Variants in PDE4D observed in about 807,000 individuals in gnomAD.
PDE4D encodes the protein phosphodiesterase 4D, also known as 3',5'-cyclic-AMP phosphodiesterase 4D.
In PDE4D, 24 loss-of-function variants were observed where a neutral mutation model predicts 87.4. The ratio of observed to expected loss-of-function variants is 0.27; its 90% CI spans 0.20 to 0.39. The LOEUF (loss-of-function observed/expected upper bound fraction) is 0.39, where lower values mean the gene tolerates loss of function less well. Among genes scored for constraint, PDE4D ranks in the 10% least tolerant of loss-of-function variants. The pLI is 1.00. For missense variants in PDE4D, 714 were observed against 1,041.0 expected (o/e 0.69, Z 4.32); for synonymous variants, 384 against 383.2 (o/e 1.00, Z -0.02).
intron 2 of PDE4D, among the ~76,000 whole-genome samples, chr5:60,044,632 G>T (rs905018930): frequency 3.3e-5 from 5 of 150,810 alleles, no homozygotes; most frequent in Non-Finnish European, 5.9e-5. Context: ...TTTTGTTCTT[G>T]CGATAGTTTA....
At chr5:59,131,731 AAAAT>A (rs1776323069) in intron 5 of PDE4D, among the ~76,000 whole-genome samples, 2 of 152,130 alleles carry the variant, frequency 1.3e-5, no homozygotes, top group African/African-American at 4.8e-5. Context: ...TAGAATGTGG[AAAAT>A]AAATGTCATA....
chr5:59,922,950 C>T (rs1052966727), intron 3 of PDE4D, among the ~76,000 whole-genome samples: 2 of 152,222 alleles, frequency 1.3e-5, no homozygotes, highest in African/African-American at 4.8e-5. Context: ...CAGTTATGAA[C>T]CTGCCCTCAG....
chr5:59,276,178 G>C, intron 1 of PDE4D: 2 of 970,870 alleles, frequency 2.1e-6, no homozygotes, highest in South Asian at 4.8e-5. Flanking sequence ...CTCGTCAATT[G>C]CTGAGACTTA....
Position 59,695,640 on chromosome 5 carries a change from C to T in PDE4D, c.455+197528G>A, listed in dbSNP as rs556810413. Among the ~76,000 whole-genome samples, 10 of 152,180 alleles carry T rather than the reference C, an allele frequency of 6.6e-5. No homozygotes were observed. In the East Asian group the frequency reaches 7.7e-4, roughly 12 times the overall value. On this transcript the variant is annotated intron_variant, in intron 1 of 14. Coordinates refer to ENST00000340635, the MANE Select transcript of PDE4D (RefSeq NM_001104631.2). ...TTTCTTTTTGAGACATGGTCTGTGT[C>T]GTCCAGGCTGAAGTGCAGTGGTACA...
chr5:59,160,549 G>A (rs933332421), intron 5 of PDE4D, among the ~76,000 whole-genome samples: 3 of 151,926 alleles, frequency 2.0e-5, no homozygotes, highest in East Asian at 1.9e-4. Flanking sequence ...TCACTGCGCT[G>A]CCCAGGCTAG....
At chr5:59,073,595 GAC>G (rs1261854016) in intron 5 of PDE4D, among the ~76,000 whole-genome samples, 1 of 151,816 alleles carries the variant, frequency 6.6e-6, no homozygotes, top group African/African-American at 2.4e-5. Flanking sequence ...AACTTGTAAA[GAC>G]ACTGTTGTTC....
chr5:59,557,964 T>G (rs1384837484), intron 1 of PDE4D, among the ~76,000 whole-genome samples: 1 of 152,194 alleles, frequency 6.6e-6, no homozygotes, highest in Non-Finnish European at 1.5e-5. Context: ...TATAAAATTA[T>G]GTATATTTAA....
intron 2 of PDE4D, among the ~76,000 whole-genome samples, chr5:60,018,399 AG>A (rs1321550749): frequency 6.6e-6 from 1 of 152,208 alleles, no homozygotes; most frequent in African/African-American, 2.4e-5. Flanking sequence ...CAAAATATAA[AG>A]ACCAAGGACA....
At chr5:59,125,740 G>T (rs878903680) in intron 5 of PDE4D, among the ~76,000 whole-genome samples, 1 of 152,172 alleles carries the variant, frequency 6.6e-6, no homozygotes, top group Admixed American at 6.5e-5. Flanking sequence ...TGCGATGGGG[G>T]AGCGAATGAC....
At chr5:60,018,014 T>C (rs1462804947) in intron 2 of PDE4D, among the ~76,000 whole-genome samples, 1 of 152,142 alleles carries the variant, frequency 6.6e-6, no homozygotes, top group African/African-American at 2.4e-5. Context: ...TGGTATCTCA[T>C]TGTGGTTTTG....
rs1780743538 is a variant in PDE4D, at chr5:60,143,637, GTGTGTGTGTGTGTA to G, written c.42+41906_42+41919del. On this transcript the variant is annotated intron_variant, in intron 2 of 16. Transcript: ENST00000502484. ...TGTGTGTGTGTGTGTGTGTGTGTGT[GTGTGTGTGTGTGTA>G]TGTGTGTGTGTTTTGGGGAGGGGGC... is the stretch of plus-strand genomic sequence containing the variant. Among the ~76,000 whole-genome samples, 3 of 142,998 alleles carry G rather than the reference GTGTGTGTGTGTGTA, an allele frequency of 2.1e-5. No homozygotes were observed. In the Admixed American group the frequency reaches 2.1e-4, roughly 10 times the overall value. The allele number at this position is 142,998 out of a possible 152,430, so 93.8% of individuals were successfully genotyped here. A position where few individuals can be genotyped will look rare whatever the true frequency, so the allele number is the denominator to read the frequency against.
At chr5:60,341,580 G>A (rs1468960072) in intron 1 of PDE4D, among the ~76,000 whole-genome samples, 1 of 152,158 alleles carries the variant, frequency 6.6e-6, no homozygotes, top group African/African-American at 2.4e-5. Flanking sequence ...CAAGCCAAAT[G>A]CCAAGTCCAT....
At chr5:60,023,708 A>T (rs1247814535) in intron 2 of PDE4D, among the ~76,000 whole-genome samples, 4 of 152,294 alleles carry the variant, frequency 2.6e-5, no homozygotes, top group African/African-American at 9.6e-5. Flanking sequence ...TGGCTGAAAC[A>T]ACCTTAGAAG....
chr5:59,603,488 A>G (rs1156966769), intron 1 of PDE4D, among the ~76,000 whole-genome samples: 6 of 152,030 alleles, frequency 3.9e-5, no homozygotes, highest in African/African-American at 7.2e-5. Context: ...CAGAAAGTCA[A>G]AAGATATTAA....
At chr5:59,290,082 C>T (rs1328618783) in intron 1 of PDE4D, among the ~76,000 whole-genome samples, 2 of 151,846 alleles carry the variant, frequency 1.3e-5, no homozygotes, top group East Asian at 1.9e-4. Context: ...ATTGTTAAAA[C>T]GTTCATACTA....
At chr5:59,333,452 G>A (rs572411146) in intron 1 of PDE4D, among the ~76,000 whole-genome samples, 2 of 152,226 alleles carry the variant, frequency 1.3e-5, no homozygotes, top group South Asian at 4.1e-4. Context: ...AAGGAAGAAG[G>A]CATAGGATGG....
chr5:59,981,367 T>G (rs1288013537), intron 3 of PDE4D, among the ~76,000 whole-genome samples: 1 of 152,208 alleles, frequency 6.6e-6, no homozygotes, highest in Non-Finnish European at 1.5e-5. Context: ...TGTGATATTT[T>G]GTGAGTATCC....
chr5:59,012,389 C>T (rs10036287), intron 6 of PDE4D, among the ~76,000 whole-genome samples: 31,137 of 151,968 alleles, frequency 0.2, 3,656 homozygotes, highest in East Asian at 0.55. Context: ...CCCATCAGTG[C>T]GCTGTATTCA....
rs1396670027 is a variant in PDE4D at position 58,990,838 on chromosome 5, C to T, written c.1253G>A (p.Arg418Gln). 6 of 1,603,888 alleles carry T rather than the reference C, an allele frequency of 3.7e-6. No homozygotes were observed. Among genetic ancestry groups the T allele is most frequent in the African/African-American group, 2.7e-5 (2 of 74,582 alleles). ...VFRIAELSGNRPLTVIMHTIF... is the reference protein window; with the variant it reads ...VFRIAELSGNQPLTVIMHTIF... ...GGTGTGCATGATAACAGTCAAGGGC[C>T]GGTTACCAGACAACTCTGCTATTCT... The change falls in exon 9 of 15, where the codon CGG becomes CAG. Residue 418 changes from arginine to glutamine, a missense_variant. Coordinates refer to ENST00000340635, the MANE Select transcript of PDE4D (RefSeq NM_001104631.2).
Sources: allele counts gnomAD v4.1 joint callset (sites outside exome capture counted in the v4.1 genomes callset), GRCh38; gene constraint gnomAD v4.1.1; transcripts MANE v1.5; gene names NCBI Gene and HGNC (gene_info 2026-07-23, HGNC 2026-07-21).